EFNA5: variants seen among roughly 807,000 people sequenced by gnomAD.
EFNA5 encodes the protein ephrin-A5.
EFNA5 carries 5 observed loss-of-function variants against 22.9 expected under a neutral mutation model. That is an observed-to-expected ratio of 0.22 (90% CI 0.11 to 0.46). The LOEUF is 0.46. Among genes scored for constraint, EFNA5 ranks in the 20% least tolerant of loss-of-function variants. The pLI, the probability that EFNA5 is intolerant of heterozygous loss-of-function variation, is 0.99. For missense variants in EFNA5, 237 were observed against 293.3 expected (o/e 0.81, Z 1.40); for synonymous variants, 113 against 112.2 (o/e 1.01, Z -0.04).
chr5:107,518,845 T>C (rs1747535952), intron 1 of EFNA5, among the ~76,000 whole-genome samples: 1 of 152,312 alleles, frequency 6.6e-6, no homozygotes, highest in South Asian at 2.1e-4. Context: ...TTTGTTCTAC[T>C]TGAATTCCTA....
chr5:107,476,317 T>A (rs910872731), intron 1 of EFNA5, among the ~76,000 whole-genome samples: 8 of 151,612 alleles, frequency 5.3e-5, no homozygotes, highest in Non-Finnish European at 1.2e-4. Context: ...CCTCCCAAAG[T>A]GCTGGGATTA....
chr5:107,442,982 A>G (rs1475380254), intron 1 of EFNA5, among the ~76,000 whole-genome samples: 1 of 151,866 alleles, frequency 6.6e-6, no homozygotes, highest in East Asian at 1.9e-4. Context: ...TGTCTTAAAA[A>G]GTACCTACCT....
chr5:107,413,976 T>C (rs1272208476), intron 2 of EFNA5, among the ~76,000 whole-genome samples: 2 of 152,194 alleles, frequency 1.3e-5, no homozygotes, highest in African/African-American at 2.4e-5. Context: ...TCAAGACTGA[T>C]GGTACTGTTG....
chr5:107,458,642 C>G (rs1446373824), intron 1 of EFNA5, among the ~76,000 whole-genome samples: 7 of 152,036 alleles, frequency 4.6e-5, no homozygotes, highest in African/African-American at 1.7e-4. Context: ...AATTGTGATA[C>G]AGAAAACAGA....
At chr5:107,482,629 G>A (rs1216065772) in intron 1 of EFNA5, among the ~76,000 whole-genome samples, 3 of 152,020 alleles carry the variant, frequency 2.0e-5, no homozygotes, top group African/African-American at 4.8e-5. Context: ...GGGCCTTGTC[G>A]TGATATCATT....
chr5:107,670,767 C>A lies in EFNA5; in HGVS notation c.-154G>T. 1 of 1,079,216 alleles carries A rather than the reference C, an allele frequency of 9.3e-7. No individual in the cohort carries two copies. Among genetic ancestry groups the A allele is most frequent in the Non-Finnish European group, 1.3e-6 (1 of 764,104 alleles). 66.9% of individuals were successfully genotyped at this position (1,079,216 alleles called of 1,614,324 possible). A position where few individuals can be genotyped will look rare whatever the true frequency, so the allele number is the denominator to read the frequency against. On this transcript the variant is annotated 5_prime_UTR_variant, in exon 1 of 5. Coordinates refer to ENST00000333274, the MANE Select transcript of EFNA5 (RefSeq NM_001962.3). ...AAGTGGGCGAGAAAGGAAAGAGGCG[C>A]CCACCAAGCTGGGGAGGGGTAGGAG... is the stretch of plus-strand genomic sequence containing the variant.
chr5:107,513,682 C>T (rs986945779), intron 1 of EFNA5, among the ~76,000 whole-genome samples: 42 of 152,256 alleles, frequency 2.8e-4, no homozygotes, highest in Non-Finnish European at 5.4e-4. Flanking sequence ...TGCAAAACTG[C>T]TTGTGATTCA....
chr5:107,655,475 T>C (rs185803140), intron 1 of EFNA5, among the ~76,000 whole-genome samples: 1 of 152,256 alleles, frequency 6.6e-6, no homozygotes, highest in East Asian at 1.9e-4. Flanking sequence ...AATTTTGGTA[T>C]GGCTTATGTT....
intron 1 of EFNA5, among the ~76,000 whole-genome samples, chr5:107,532,999 C>G (rs1227646871): frequency 6.6e-6 from 1 of 152,148 alleles, no homozygotes; most frequent in East Asian, 1.9e-4. Context: ...CAGCTCACGG[C>G]AGCTAAAGAC....
At chr5:107,519,040 T>C (rs73777884) in intron 1 of EFNA5, among the ~76,000 whole-genome samples, 3,697 of 152,318 alleles carry the variant, frequency 0.024, 119 homozygotes, top group African/African-American at 0.083. Context: ...TTCTATAATA[T>C]GTTATTACAT....
chr5:107,555,806 A>C (rs1205960399), intron 1 of EFNA5, among the ~76,000 whole-genome samples: 4 of 152,188 alleles, frequency 2.6e-5, no homozygotes, highest in Admixed American at 1.3e-4. Context: ...AATATAGTAA[A>C]AATAGCATTC....
chr5:107,430,774 C>CTTTTTTTT (rs869266799), intron 1 of EFNA5, among the ~76,000 whole-genome samples: 19 of 20,294 alleles, frequency 9.4e-4, no homozygotes, highest in Non-Finnish European at 2.3e-3. Context: ...TTCTTTCTTT[C>CTTTTTTTT]TTTTTTTTTT....
At chr5:107,424,523 T>C (rs1269373042) in intron 2 of EFNA5, among the ~76,000 whole-genome samples, 1 of 151,994 alleles carries the variant, frequency 6.6e-6, no homozygotes. Context: ...GCCAGCTTTC[T>C]TTTTTCTAGG....
At chr5:107,540,810 A>C (rs1748030281) in intron 1 of EFNA5, among the ~76,000 whole-genome samples, 1 of 152,248 alleles carries the variant, frequency 6.6e-6, no homozygotes, top group South Asian at 2.1e-4. Flanking sequence ...TTCTGTTTAG[A>C]AATTTTAATC....
intron 1 of EFNA5, among the ~76,000 whole-genome samples, chr5:107,629,165 G>T (rs781451061): frequency 6.6e-6 from 1 of 152,152 alleles, no homozygotes; most frequent in Admixed American, 6.5e-5. Context: ...AACATTTTAA[G>T]TGTCAGTCTA....
At chr5:107,453,251 G>A (rs745414695) in intron 1 of EFNA5, among the ~76,000 whole-genome samples, 6 of 152,086 alleles carry the variant, frequency 3.9e-5, no homozygotes, top group Non-Finnish European at 8.8e-5. Context: ...TAAAAGAATT[G>A]ATAAAAATCA....
chr5:107,421,705 C>T (rs980493563), intron 2 of EFNA5, among the ~76,000 whole-genome samples: 12 of 152,024 alleles, frequency 7.9e-5, no homozygotes, highest in Admixed American at 2.6e-4. Context: ...AGAGTGAGTG[C>T]TATTTGTTTC....
At chr5:107,423,430 C>G (rs1398279610) in intron 2 of EFNA5, among the ~76,000 whole-genome samples, 1 of 126,930 alleles carries the variant, frequency 7.9e-6, no homozygotes, top group Non-Finnish European at 1.7e-5. Flanking sequence ...AAAAAAAAGA[C>G]AGGGTTTTGC....
intron 2 of EFNA5, among the ~76,000 whole-genome samples, chr5:107,423,954 A>G (rs1748738972): frequency 6.6e-6 from 1 of 152,162 alleles, no homozygotes; most frequent in African/African-American, 2.4e-5. Context: ...ATAAAACTCA[A>G]AGACATTAAG....
Sources: gnomAD v4.1 joint callset for allele counts (sites outside exome capture counted in the v4.1 genomes callset) on GRCh38, gnomAD v4.1.1 for gene constraint, MANE v1.5 for transcripts, NCBI Gene and HGNC (gene_info 2026-07-23, HGNC 2026-07-21) for gene names.